The following TIAM2 variants were observed in gnomAD, a reference collection of about 807,000 sequenced individuals.
The protein encoded by TIAM2 is TIAM Rac1 associated GEF 2, also known as rho guanine nucleotide exchange factor TIAM2.
In TIAM2, 80 loss-of-function variants were observed where a neutral mutation model predicts 152.9. That is an observed-to-expected ratio of 0.52 (90% CI 0.44 to 0.63). The LOEUF (loss-of-function observed/expected upper bound fraction) is 0.63, where lower values mean the gene tolerates loss of function less well. Among genes scored for constraint, TIAM2 ranks in the 30% least tolerant of loss-of-function variants. The probability of loss-of-function intolerance (pLI) is 0.00; values close to 1 mark genes in which losing one functional copy is unlikely to be tolerated. For missense variants in TIAM2, 1,965 were observed against 2,120.1 expected (o/e 0.93, Z 1.44); for synonymous variants, 804 against 838.0 (o/e 0.96, Z 0.70).
chr6:155,093,560 C>T (rs965577323), intron 2 of TIAM2, among the ~76,000 whole-genome samples: 3 of 152,278 alleles, frequency 2.0e-5, no homozygotes, highest in South Asian at 2.1e-4. Context: ...GCACTAGGAC[C>T]GGCAGGTATC....
chr6:155,150,287 T>C (rs2115069059), intron 7 of TIAM2, among the ~76,000 whole-genome samples: 1 of 152,366 alleles, frequency 6.6e-6, no homozygotes, highest in Non-Finnish European at 1.5e-5. Flanking sequence ...GCAAGCCTTA[T>C]GAACATGAAA....
At position 155,162,959 on chromosome 6, in the gene TIAM2, G is replaced by A. The variant is rs17086010; in HGVS notation, c.2029-1456G>A. 4.9e-3 allele frequency among the ~76,000 whole-genome samples: 748 copies of A among 152,302 alleles called. 11 individuals carry two copies. The highest frequency in any genetic ancestry group is 0.017 in the African/African-American group (725 of 41,556). On this transcript the variant is annotated intron_variant, in intron 7 of 26. Coordinates refer to ENST00000682666, the MANE Select transcript of TIAM2 (RefSeq NM_012454.4). ...TGTTTTTCTTTCATGCAGAAAAGTT[G>A]TGCAGCGACCAACCTAAGAAATAGC...
At chr6:155,215,580 C>T (rs924882958) in intron 15 of TIAM2, among the ~76,000 whole-genome samples, 6 of 152,046 alleles carry the variant, frequency 3.9e-5, no homozygotes, top group African/African-American at 1.2e-4. Flanking sequence ...ACTCAGTTTC[C>T]CTGTTCTTTG....
At chr6:155,096,693 T>A (rs1314613535) in intron 2 of TIAM2, among the ~76,000 whole-genome samples, 1 of 152,234 alleles carries the variant, frequency 6.6e-6, no homozygotes, top group African/African-American at 2.4e-5. Flanking sequence ...TTTCATTCTT[T>A]TTATGGCTGA....
At chr6:155,034,504 C>T (rs540828792) in intron 1 of TIAM2, among the ~76,000 whole-genome samples, 66 of 152,330 alleles carry the variant, frequency 4.3e-4, no homozygotes, top group African/African-American at 1.5e-3. Flanking sequence ...ATCTGCCCAC[C>T]TTGGCCTCCC....
At chr6:155,240,402 T>C (rs759156068) in intron 15 of TIAM2, 128 bp from the exon 16 acceptor site, 21 of 926,806 alleles carry the variant, frequency 2.3e-5, no homozygotes, top group South Asian at 4.6e-5. Flanking sequence ...ATGAAACCCT[T>C]TGCCCTACAC....
rs890977160 is a variant in TIAM2 at position 155,067,907 on chromosome 6, G to T, written c.-208-22382G>T. Among the ~76,000 whole-genome samples the T allele has an allele frequency of 1.2e-3, 189 of 152,166 alleles. 1 individual carries two copies. The highest frequency in any genetic ancestry group is 1.5e-3 in the Non-Finnish European group (103 of 68,036). On this transcript the variant is annotated intron_variant, in intron 1 of 26. Coordinates refer to ENST00000682666, the MANE Select transcript of TIAM2 (RefSeq NM_012454.4). ...TCCACCCGTCTCGGTCTCCCAAAGT[G>T]CTGGGAATACAGGCGTGCATGACCA...
intron 2 of TIAM2, among the ~76,000 whole-genome samples, chr6:155,116,465 A>G (rs1010114593): frequency 1.3e-5 from 2 of 152,224 alleles, no homozygotes; most frequent in African/African-American, 2.4e-5. Flanking sequence ...GAAAGCACCC[A>G]TTTAGATGAG....
intron 1 of TIAM2, among the ~76,000 whole-genome samples, chr6:155,082,665 C>CAAAT (rs765607888): frequency 0.011 from 1,060 of 93,390 alleles, 7 homozygotes; most frequent in Non-Finnish European, 0.015. Context: ...CAAAAAAACC[C>CAAAT]CAATAAATAA....
At chr6:155,135,954 G>A (rs1384345744) in intron 4 of TIAM2, among the ~76,000 whole-genome samples, 1 of 152,024 alleles carries the variant, frequency 6.6e-6, no homozygotes, top group East Asian at 1.9e-4. Context: ...CAGCGCTTTG[G>A]GAGGCTGAGG....
chr6:155,257,675 A>G lies in TIAM2; in HGVS notation c.*554A>G, dbSNP rs1784158725. The G allele has an allele frequency of 1.2e-5, 9 of 741,108 alleles. No individual in the cohort carries two copies. Among genetic ancestry groups the G allele is most frequent in the South Asian group, 3.6e-5 (2 of 56,216 alleles). The allele number at this position is 741,108 out of a possible 1,614,324, so 45.9% of individuals were successfully genotyped here. A position where few individuals can be genotyped will look rare whatever the true frequency, so the allele number is the denominator to read the frequency against. On this transcript the variant is annotated 3_prime_UTR_variant, in exon 27 of 27. Transcript: ENST00000682666. The stretch of plus-strand genomic sequence containing the variant: ...AGCTTGTACTGTATCTTATTTGATG[A>G]TATTTATTTTCTCTGCCAAGCTGTA...
chr6:155,188,386 C>T (rs1487544177), intron 14 of TIAM2, among the ~76,000 whole-genome samples: 1 of 152,196 alleles, frequency 6.6e-6, no homozygotes, highest in Non-Finnish European at 1.5e-5. Flanking sequence ...GTTGAGGGTT[C>T]AGTATGAAGT....
At chr6:155,001,277 C>A (rs140382513) in intron 1 of TIAM2, among the ~76,000 whole-genome samples, 1 of 152,074 alleles carries the variant, frequency 6.6e-6, no homozygotes, top group East Asian at 1.9e-4. Flanking sequence ...CTGTGGGATC[C>A]TTTACCCAAG....
chr6:155,070,238 T>TTTTTG (rs58867002), intron 1 of TIAM2, among the ~76,000 whole-genome samples: 2 of 83,696 alleles, frequency 2.4e-5, no homozygotes, highest in African/African-American at 8.8e-5. Context: ...TTTTTTTTTT[T>TTTTTG]GAGATGGAGT....
At chr6:155,041,118 G>A (rs1777017753) in intron 1 of TIAM2, among the ~76,000 whole-genome samples, 1 of 152,076 alleles carries the variant, frequency 6.6e-6, no homozygotes. Flanking sequence ...AAACTCATTG[G>A]CTTCTTGGAC....
Position 155,111,298 on chromosome 6 carries a change from T to TACACACACACAC in TIAM2, c.-117-16163_-117-16152dup, listed in dbSNP as rs57988099. Among the ~76,000 whole-genome samples the TACACACACACAC allele has an allele frequency of 5.5e-3, 758 of 138,422 alleles. 3 individuals are homozygous for TACACACACACAC. The highest frequency in any genetic ancestry group is 7.4e-3 in the Admixed American group (101 of 13,648). The allele number at this position is 138,422 out of a possible 152,430, so 90.8% of individuals were successfully genotyped here. A position where few individuals can be genotyped will look rare whatever the true frequency, so the allele number is the denominator to read the frequency against. On this transcript the variant is annotated intron_variant, in intron 2 of 26. Transcript: ENST00000682666. ...GGAAAGTGTCCATATATTCTTGGAA[T>TACACACACACAC]ACACACACACACACACACACACACA...
At chr6:155,172,658 ATATATATATATATATATATATATATAT>A (rs1399510515) in intron 9 of TIAM2, among the ~76,000 whole-genome samples, 13 of 9,032 alleles carry the variant, frequency 1.4e-3, no homozygotes, top group African/African-American at 3.4e-3. Flanking sequence ...ATATATATAT[ATATATATATATATATATATATATATAT>A]ATTTTTTTTT....
Position 155,130,356 on chromosome 6 carries a change from C to T in TIAM2, c.1133C>T (p.Ala378Val). The change falls in exon 4 of 27, where the codon GCC (alanine) becomes GTC (valine). Residue 378 changes from alanine (A) to valine (V), a missense_variant. Around this residue, in one of 3 missense-constraint regions of TIAM2, gnomAD observed 1,025 missense variants for 1,119.4 expected, o/e 0.92. Coordinates refer to ENST00000682666, the MANE Select transcript of TIAM2 (RefSeq NM_012454.4). ...ACTGCGAAGAAGGACTCCCTCAAAGCCAGGATGCGACGGATCAGTGACTGG... is the reference window on the plus strand; with the variant it reads ...ACTGCGAAGAAGGACTCCCTCAAAGTCAGGATGCGACGGATCAGTGACTGG... Reference protein sequence around the residue: ...EDTAKKDSLKARMRRISDWTG... With the variant: ...EDTAKKDSLKVRMRRISDWTG... 6.2e-7 allele frequency: 1 copy of T among 1,614,050 alleles called. No individual in the cohort carries two copies. The highest frequency in any genetic ancestry group is 8.5e-7 in the Non-Finnish European group (1 of 1,180,034).
chr6:155,147,266 T>A (rs998078105), intron 6 of TIAM2, among the ~76,000 whole-genome samples: 1 of 151,700 alleles, frequency 6.6e-6, no homozygotes, highest in African/African-American at 2.4e-5. Flanking sequence ...TGTTTACTCA[T>A]TCTGTTAAAA....
Sources: gnomAD v4.1 joint callset for allele counts (sites outside exome capture counted in the v4.1 genomes callset) on GRCh38, gnomAD v4.1.1 for gene constraint, gnomAD v4.1.1 regional missense constraint, MANE v1.5 for transcripts, NCBI Gene and HGNC (gene_info 2026-07-23, HGNC 2026-07-21) for gene names.